Variants in COL23A1 observed in about 807,000 individuals in gnomAD.
The protein encoded by COL23A1 is collagen alpha-1(XXIII) chain.
A neutral mutation model predicts 99.3 loss-of-function variants in COL23A1; 97 were observed. The observed-to-expected ratio is 0.98, with a 90% CI of 0.83 to 1.16. COL23A1 has a LOEUF of 1.16. Among genes scored for constraint, COL23A1 ranks in the 50% most tolerant of loss-of-function variants. COL23A1 has a pLI of 0.00. For synonymous variants in COL23A1, 320 were observed against 308.2 expected (o/e 1.04, Z -0.40); for missense variants, 762 against 757.4 (o/e 1.01, Z -0.07).
chr5:178,241,423 G>C (rs1276240305), intron 27 of COL23A1, among the ~76,000 whole-genome samples: 1 of 152,118 alleles, frequency 6.6e-6, no homozygotes, highest in Non-Finnish European at 1.5e-5. Flanking sequence ...GAAGGAGGAA[G>C]GAAGGGGAGG....
intron 1 of COL23A1, among the ~76,000 whole-genome samples, chr5:178,573,290 G>T (rs1051561657): frequency 5.9e-5 from 9 of 152,240 alleles, no homozygotes; most frequent in Admixed American, 3.9e-4. Flanking sequence ...TGTGTGTCCT[G>T]GGTACAGAAG....
intron 2 of COL23A1, among the ~76,000 whole-genome samples, chr5:178,421,957 G>C (rs559505626): frequency 6.6e-6 from 1 of 152,278 alleles, no homozygotes; most frequent in South Asian, 2.1e-4. Context: ...GAATATGGGC[G>C]GGGCTGAGGC....
At chr5:178,287,713 C>G (rs192254403) in intron 5 of COL23A1, among the ~76,000 whole-genome samples, 8 of 152,232 alleles carry the variant, frequency 5.3e-5, no homozygotes, top group Non-Finnish European at 1.0e-4. Context: ...GCTGGGCTCC[C>G]CCTACTCTTT....
At chr5:178,269,304 CATCCATCCATCCATCCATCCATCCATGT>C (rs1225319606) in intron 6 of COL23A1, among the ~76,000 whole-genome samples, 1 of 151,384 alleles carries the variant, frequency 6.6e-6, no homozygotes, top group African/African-American at 2.4e-5. Context: ...TCCATCCATC[CATCCATCCATCCATCCATCCATCCATGT>C]ATCCATCCAT....
intron 8 of COL23A1, among the ~76,000 whole-genome samples, chr5:178,265,183 A>G (rs1294422388): frequency 6.6e-6 from 1 of 152,096 alleles, no homozygotes; most frequent in East Asian, 1.9e-4. Flanking sequence ...ACACAAATTC[A>G]CTTGCTTTCC....
At chr5:178,242,628 C>T (rs116578858) in intron 25 of COL23A1, among the ~76,000 whole-genome samples, 2,276 of 152,306 alleles carry the variant, frequency 0.015, 47 homozygotes, top group African/African-American at 0.053. Flanking sequence ...TCGCTGGACA[C>T]CAACACTCAG....
intron 2 of COL23A1, among the ~76,000 whole-genome samples, chr5:178,493,919 A>G (rs539469943): frequency 5.2e-4 from 79 of 152,342 alleles, no homozygotes; most frequent in African/African-American, 1.8e-3. Context: ...TGCCAATCCA[A>G]AACCTACTCT....
At chr5:178,380,043 C>A (rs1214531395) in intron 2 of COL23A1, among the ~76,000 whole-genome samples, 1 of 152,200 alleles carries the variant, frequency 6.6e-6, no homozygotes, top group Non-Finnish European at 1.5e-5. Flanking sequence ...GGGCTAGTTC[C>A]TGAACCGATG....
intron 2 of COL23A1, among the ~76,000 whole-genome samples, chr5:178,532,828 C>T (rs373809120): frequency 1.3e-5 from 2 of 152,178 alleles, no homozygotes; most frequent in African/African-American, 4.8e-5. Context: ...GCTTCTCTTT[C>T]TGACACGTGA....
intron 6 of COL23A1, among the ~76,000 whole-genome samples, chr5:178,269,406 A>T (rs796312390): frequency 4.5e-4 from 8 of 17,826 alleles, no homozygotes; most frequent in African/African-American, 1.2e-3. Flanking sequence ...CATCCATCCA[A>T]CCATCCATCC....
chr5:178,541,464 G>A (rs111683360), intron 2 of COL23A1, among the ~76,000 whole-genome samples: 2,132 of 152,164 alleles, frequency 0.014, 53 homozygotes, highest in African/African-American at 0.049. Context: ...GGTCCTCGCT[G>A]CTTGGGAGGC....
intron 1 of COL23A1, among the ~76,000 whole-genome samples, chr5:178,576,649 T>A (rs1763376413): frequency 6.6e-6 from 1 of 151,866 alleles, no homozygotes; most frequent in African/African-American, 2.4e-5. Flanking sequence ...AGGCGCGGGG[T>A]CGTGGAGGGC....
At position 178,279,119 on chromosome 5, in the gene COL23A1, T is replaced by A. The variant is rs141037800; in HGVS notation, c.442-8756A>T. Among the ~76,000 whole-genome samples, 9 of 152,288 alleles carry A rather than the reference T, an allele frequency of 5.9e-5. No individual in the cohort carries two copies. The East Asian group carries it at 1.7e-3, about 29-fold the overall frequency. On this transcript the variant is annotated intron_variant, in intron 5 of 28. Transcript: ENST00000390654. ...TGCCCTGCCTGCTGACTGCCCCTCC[T>A]CTGGCTGCTGTAGCACCTGGCACAC...
chr5:178,357,802 GTGTGTA>G (rs1162925346), intron 2 of COL23A1, among the ~76,000 whole-genome samples: 3 of 149,434 alleles, frequency 2.0e-5, no homozygotes, highest in Non-Finnish European at 4.4e-5. Context: ...GTGTATGTGT[GTGTGTA>G]TGTGTGTATG....
intron 2 of COL23A1, among the ~76,000 whole-genome samples, chr5:178,491,226 G>T (rs539038677): frequency 1.3e-5 from 2 of 152,186 alleles, no homozygotes; most frequent in East Asian, 3.9e-4. Context: ...GTTGTTCCCA[G>T]AACTCAAGAC....
chr5:178,333,910 A>G (rs1453296321), intron 2 of COL23A1, among the ~76,000 whole-genome samples: 2 of 152,196 alleles, frequency 1.3e-5, no homozygotes, highest in African/African-American at 4.8e-5. Context: ...CCCGTGAGGT[A>G]GCCAAGGGGC....
intron 2 of COL23A1, among the ~76,000 whole-genome samples, chr5:178,329,988 C>T (rs1429333441): frequency 2.0e-5 from 3 of 151,958 alleles, no homozygotes; most frequent in Non-Finnish European, 4.4e-5. Flanking sequence ...CTACCAGTGG[C>T]CTGCTCCCTG....
intron 2 of COL23A1, among the ~76,000 whole-genome samples, chr5:178,338,658 C>T (rs1056929473): frequency 4.4e-5 from 6 of 135,054 alleles, no homozygotes; most frequent in African/African-American, 1.7e-4. Context: ...GGGTCACTGG[C>T]CAGCATCGGG....
At chr5:178,338,242 C>T (rs1476629249) in intron 2 of COL23A1, among the ~76,000 whole-genome samples, 6 of 152,338 alleles carry the variant, frequency 3.9e-5, no homozygotes, top group African/African-American at 1.4e-4. Flanking sequence ...ACAGACCCAC[C>T]TCAGAACCAG....
Sources: allele counts gnomAD v4.1 joint callset (sites outside exome capture counted in the v4.1 genomes callset), GRCh38; gene constraint gnomAD v4.1.1; transcripts MANE v1.5; gene names NCBI Gene and HGNC (gene_info 2026-07-23, HGNC 2026-07-21).